Variants in EVI5 observed in about 807,000 individuals in gnomAD.
EVI5 encodes the protein ecotropic viral integration site 5.
EVI5 carries 73 observed loss-of-function variants against 112.0 expected under a neutral mutation model. The observed-to-expected ratio is 0.65, with a 90% confidence interval of 0.54 to 0.79. The LOEUF is 0.79. Ranked by LOEUF, EVI5 falls within the 30% of genes least tolerant of loss-of-function variation. The probability of loss-of-function intolerance (pLI) is 0.00; values close to 1 mark genes in which losing one functional copy is unlikely to be tolerated. For missense variants in EVI5, 900 were observed against 968.8 expected (o/e 0.93, Z 0.94); for synonymous variants, 305 against 319.9 (o/e 0.95, Z 0.50).
At chr1:92,552,663 G>A (rs968538180) in intron 19 of EVI5, among the ~76,000 whole-genome samples, 15 of 152,126 alleles carry the variant, frequency 9.9e-5, no homozygotes, top group African/African-American at 3.6e-4. Flanking sequence ...CAAATCCCTT[G>A]TTTTACGTTG....
intron 16 of EVI5, among the ~76,000 whole-genome samples, chr1:92,610,326 C>A (rs764657474): frequency 6.6e-6 from 1 of 152,190 alleles, no homozygotes; most frequent in Non-Finnish European, 1.5e-5. Context: ...TTCAGAGGGA[C>A]CCATCTTTGA....
chr1:92,695,788 C>T (rs183027018), intron 6 of EVI5, among the ~76,000 whole-genome samples: 47 of 152,128 alleles, frequency 3.1e-4, no homozygotes, highest in African/African-American at 5.3e-4. Flanking sequence ...TTTAAAAAGA[C>T]GTTTAAAAAG....
intron 16 of EVI5, among the ~76,000 whole-genome samples, chr1:92,614,291 A>T (rs1283284087): frequency 6.6e-6 from 1 of 152,230 alleles, no homozygotes; most frequent in Non-Finnish European, 1.5e-5. Context: ...CAACAAAAAA[A>T]TTACAAAGCA....
chr1:92,691,572 C>T (rs1293566968), intron 9 of EVI5, among the ~76,000 whole-genome samples: 1 of 151,958 alleles, frequency 6.6e-6, no homozygotes, highest in Non-Finnish European at 1.5e-5. Context: ...AAATGAAATG[C>T]TATGTTGAGG....
At chr1:92,577,991 C>T (rs188378801) in intron 18 of EVI5, among the ~76,000 whole-genome samples, 13 of 152,190 alleles carry the variant, frequency 8.5e-5, no homozygotes, top group Non-Finnish European at 5.9e-5. Flanking sequence ...TTTGTCTTTT[C>T]CCTGTAAGGA....
intron 1 of EVI5, among the ~76,000 whole-genome samples, chr1:92,742,394 C>G (rs1024281008): frequency 1.3e-5 from 2 of 151,980 alleles, no homozygotes; most frequent in African/African-American, 4.8e-5. Context: ...GCAAATCAGC[C>G]AGGCATGGTA....
At chr1:92,588,805 T>A (rs1673218789) in intron 18 of EVI5, among the ~76,000 whole-genome samples, 1 of 152,254 alleles carries the variant, frequency 6.6e-6, no homozygotes, top group Non-Finnish European at 1.5e-5. Context: ...ATGTGGGTTT[T>A]AAAATTAGAA....
At chr1:92,703,741 C>T (rs966134066) in intron 3 of EVI5, 122 bp from the exon 4 acceptor site, 2 of 652,272 alleles carry the variant, frequency 3.1e-6, no homozygotes, top group Admixed American at 3.4e-5. Context: ...ACTCACAAAG[C>T]TAGCTTTATA....
chr1:92,626,469 A>T (rs932298704), intron 14 of EVI5, among the ~76,000 whole-genome samples: 8 of 152,156 alleles, frequency 5.3e-5, no homozygotes, highest in African/African-American at 1.9e-4. Flanking sequence ...TGACTATTAT[A>T]ATGTTGCTAT....
In EVI5 at chr1:92,513,489, A is replaced by C. The variant is rs893647331; in HGVS notation, c.*167T>G. 10 of 220,700 alleles carry C rather than the reference A, an allele frequency of 4.5e-5. 1 individual carries two copies. Among genetic ancestry groups the C allele is most frequent in the Non-Finnish European group, 6.9e-5 (8 of 115,350 alleles). The allele number at this position is 220,700 out of a possible 1,614,324, so 13.7% of individuals were successfully genotyped here. ...CAGTGGTAAAGATTTGGCAAAGATA[A>C]AAAGGCAGATAAGACTGTAAAATAT... On this transcript the variant is annotated 3_prime_UTR_variant, in exon 20 of 20. Transcript: ENST00000684568.
At chr1:92,568,872 T>A (rs1346324112) in intron 18 of EVI5, among the ~76,000 whole-genome samples, 1 of 152,238 alleles carries the variant, frequency 6.6e-6, no homozygotes, top group Non-Finnish European at 1.5e-5. Flanking sequence ...GCATGTAACA[T>A]ACGAAATGTG....
intron 1 of EVI5, among the ~76,000 whole-genome samples, chr1:92,743,216 G>A (rs1259896879): frequency 4.6e-5 from 7 of 152,138 alleles, no homozygotes; most frequent in South Asian, 4.1e-4. Context: ...AGCTGGGCAC[G>A]GTGGCGAGCG....
chr1:92,674,008 G>A (rs1666301642), intron 10 of EVI5, among the ~76,000 whole-genome samples: 1 of 151,946 alleles, frequency 6.6e-6, no homozygotes, highest in African/African-American at 2.4e-5. Context: ...TCATACCAAT[G>A]GGCTGTAAAA....
intron 18 of EVI5, among the ~76,000 whole-genome samples, chr1:92,574,235 T>A (rs985281816): frequency 3.9e-5 from 6 of 152,136 alleles, no homozygotes; most frequent in African/African-American, 1.4e-4. Context: ...CCAGGATGTG[T>A]CACATATTCT....
At chr1:92,607,989 CAA>C (rs879678275) in intron 16 of EVI5, among the ~76,000 whole-genome samples, 2 of 143,400 alleles carry the variant, frequency 1.4e-5, no homozygotes. Context: ...ACTAAAATTA[CAA>C]AAAAAAAAAA....
chr1:92,784,963 G>C lies in EVI5; in HGVS notation c.-209C>G. ...GGTCGCCCGTCCCGAGTTCCCAAAA[G>C]CACCACGCTCACTCAGAAGCTCAGG... is the stretch of plus-strand genomic sequence containing the variant. On this transcript the variant is annotated 5_prime_UTR_variant, in exon 1 of 20. Transcript: ENST00000684568. 1 of 985,744 alleles carries C rather than the reference G, an allele frequency of 1.0e-6. No individual in the cohort carries two copies. Among genetic ancestry groups the C allele is most frequent in the South Asian group, 4.7e-5 (1 of 21,288 alleles). 61.1% of individuals were successfully genotyped at this position (985,744 alleles called of 1,614,324 possible).
rs1020064643 is a variant in EVI5 at position 92,643,324 on chromosome 1, G to C, written c.1393-6988C>G. ...TTTTTTTTTTTTTTTTAAAGAGATA[G>C]GGTCTTGCTCTGTCACCCAATCTGG... On this transcript the variant is annotated intron_variant, in intron 13 of 19. Transcript: ENST00000684568. Among the ~76,000 whole-genome samples the C allele has an allele frequency of 4.8e-4, 66 of 136,908 alleles. 1 individual carries two copies. The highest frequency in any genetic ancestry group is 8.9e-4 in the Non-Finnish European group (58 of 65,354). The allele number at this position is 136,908 out of a possible 152,430, so 89.8% of individuals were successfully genotyped here. A position where few individuals can be genotyped will look rare whatever the true frequency, so the allele number is the denominator to read the frequency against.
chr1:92,698,441 G>T (rs961227294), intron 5 of EVI5, among the ~76,000 whole-genome samples: 5 of 152,154 alleles, frequency 3.3e-5, no homozygotes, highest in Admixed American at 3.3e-4. Flanking sequence ...GAGACACACG[G>T]CTATTGATAT....
At chr1:92,578,675 G>A (rs904845662) in intron 18 of EVI5, among the ~76,000 whole-genome samples, 10 of 150,230 alleles carry the variant, frequency 6.7e-5, no homozygotes, top group Admixed American at 5.3e-4. Flanking sequence ...CTGAGATCGC[G>A]CCACTGCACT....
Sources: allele counts gnomAD v4.1 joint callset (sites outside exome capture counted in the v4.1 genomes callset), GRCh38; gene constraint gnomAD v4.1.1; transcripts MANE v1.5; gene names NCBI Gene and HGNC (gene_info 2026-07-23, HGNC 2026-07-21).